Variants in PAFAH1B1 observed in about 807,000 individuals in gnomAD.
PAFAH1B1 encodes platelet activating factor acetylhydrolase 1b regulatory subunit 1, also known as platelet-activating factor acetylhydrolase IB subunit beta.
In PAFAH1B1, 2 loss-of-function variants were observed where a neutral mutation model predicts 57.5. That is an observed-to-expected ratio of 0.03 (90% confidence interval 0.01 to 0.11). PAFAH1B1 has a LOEUF of 0.11. PAFAH1B1 is among the 10% of genes least tolerant of loss of function. The pLI is 1.00. For synonymous variants in PAFAH1B1, 152 were observed against 169.6 expected (o/e 0.90, Z 0.81); for missense variants, 257 against 512.0 (o/e 0.50, Z 4.81).
At chr17:2,677,289 C>T (rs1038548842) in intron 9 of PAFAH1B1, among the ~76,000 whole-genome samples, 3 of 152,206 alleles carry the variant, frequency 2.0e-5, no homozygotes, top group Admixed American at 6.5e-5. Context: ...TGTTATACCT[C>T]CTTGCTCACA....
At chr17:2,654,529 A>G (rs1597557543) in intron 2 of PAFAH1B1, among the ~76,000 whole-genome samples, 1 of 152,134 alleles carries the variant, frequency 6.6e-6, no homozygotes, top group Admixed American at 6.6e-5. Context: ...CATATTGTCT[A>G]TATTTTCACT....
intron 1 of PAFAH1B1, among the ~76,000 whole-genome samples, chr17:2,618,190 A>G (rs913563797): frequency 2.0e-5 from 3 of 152,160 alleles, no homozygotes; most frequent in African/African-American, 4.8e-5. Context: ...GCGAGGTTGC[A>G]GTGAGCCGAG....
intron 5 of PAFAH1B1, among the ~76,000 whole-genome samples, chr17:2,668,807 C>T: frequency 6.6e-6 from 1 of 152,038 alleles, no homozygotes; most frequent in East Asian, 1.9e-4. Flanking sequence ...AACCCCGTCT[C>T]TACTAAAAAA....
chr17:2,631,518 G>A (rs191772879), intron 1 of PAFAH1B1, among the ~76,000 whole-genome samples: 45 of 152,286 alleles, frequency 3.0e-4, no homozygotes, highest in Admixed American at 2.6e-3. Flanking sequence ...TGGGGATCCA[G>A]TGAGCTCCCG....
At chr17:2,673,831 T>C (rs932723146) in intron 7 of PAFAH1B1, 1 of 508,520 alleles carries the variant, frequency 2.0e-6, no homozygotes, top group Non-Finnish European at 3.5e-6. Flanking sequence ...AAAGATTTTA[T>C]TTCTTATACA....
In PAFAH1B1 at chr17:2,661,066, G is replaced by T. The variant is rs945176298; in HGVS notation, c.33-4306G>T. 4.6e-5 allele frequency among the ~76,000 whole-genome samples: 7 copies of T among 151,834 alleles called. No individual in the cohort carries two copies. In the South Asian group the frequency reaches 1.5e-3, roughly 32 times the overall value. On this transcript the variant is annotated intron_variant, in intron 2 of 10. Coordinates refer to ENST00000397195, the MANE Select transcript of PAFAH1B1 (RefSeq NM_000430.4). Reference sequence around the variant, plus strand: ...AAATGTCTTCTTTTGAGAAGTGTCTGTTCATATCCTTTGCCCACTTTTTGA... The same window carrying T: ...AAATGTCTTCTTTTGAGAAGTGTCTTTTCATATCCTTTGCCCACTTTTTGA...
At chr17:2,656,972 A>C (rs2151650519) in intron 2 of PAFAH1B1, among the ~76,000 whole-genome samples, 1 of 152,060 alleles carries the variant, frequency 6.6e-6, no homozygotes, top group Non-Finnish European at 1.5e-5. Context: ...CCCAGGCTGG[A>C]GTGCAGTGGC....
At chr17:2,654,762 C>A (rs8068466) in intron 2 of PAFAH1B1, among the ~76,000 whole-genome samples, 1 of 152,004 alleles carries the variant, frequency 6.6e-6, no homozygotes, top group African/African-American at 2.4e-5. Context: ...TCACCTCAGC[C>A]TCCCAAGTTG....
chr17:2,603,588 T>G (rs1597509381), intron 1 of PAFAH1B1, among the ~76,000 whole-genome samples: 1 of 151,744 alleles, frequency 6.6e-6, no homozygotes, highest in African/African-American at 2.4e-5. Flanking sequence ...ACCACTGTAC[T>G]CCAGCCTGGG....
intron 10 of PAFAH1B1, chr17:2,680,802 A>C: frequency 4.7e-6 from 1 of 214,680 alleles, no homozygotes; most frequent in South Asian, 6.4e-5. Flanking sequence ...CTAAAGTATA[A>C]TGGACCAAAG....
Position 2,655,236 on chromosome 17 carries a change from G to A in PAFAH1B1, c.33-10136G>A, listed in dbSNP as rs553318622. ...GTGTGTTTATAAGAGTGAAATGTAGGCATCTATAAAGATGATCAAGATATG... is the reference window on the plus strand; with the variant it reads ...GTGTGTTTATAAGAGTGAAATGTAGACATCTATAAAGATGATCAAGATATG... On this transcript the variant is annotated intron_variant, in intron 2 of 10. Transcript: ENST00000397195. Among the ~76,000 whole-genome samples, 222 of 150,016 alleles carry A rather than the reference G, an allele frequency of 1.5e-3. 2 individuals are homozygous for A. The highest frequency in any genetic ancestry group is 0.011 in the Middle Eastern group (3 of 282).
chr17:2,625,652 A>G (rs2068479681), intron 1 of PAFAH1B1, among the ~76,000 whole-genome samples: 1 of 152,228 alleles, frequency 6.6e-6, no homozygotes, highest in Non-Finnish European at 1.5e-5. Context: ...GAGGCTGGGC[A>G]TGGAGGCTCT....
chr17:2,601,625 A>G (rs965239283), intron 1 of PAFAH1B1, among the ~76,000 whole-genome samples: 2 of 152,144 alleles, frequency 1.3e-5, no homozygotes, highest in Admixed American at 6.5e-5. Context: ...TATTTTTAGG[A>G]GAGATGGAGT....
chr17:2,626,747 G>T (rs1286686853), intron 1 of PAFAH1B1, among the ~76,000 whole-genome samples: 1 of 151,990 alleles, frequency 6.6e-6, no homozygotes, highest in East Asian at 1.9e-4. Context: ...TAGAGATAGG[G>T]TTTCACCATA....
chr17:2,679,630 T>TGGATGGATGATTGGA (rs1555527708), intron 9 of PAFAH1B1: 2 of 61,846 alleles, frequency 3.2e-5, no homozygotes, highest in Non-Finnish European at 7.5e-5. Context: ...GATTGGATGA[T>TGGATGGATGATTGGA]TGGATGGATG....
intron 10 of PAFAH1B1, chr17:2,681,489 A>G (rs1321700883): frequency 4.2e-6 from 2 of 470,736 alleles, no homozygotes; most frequent in Non-Finnish European, 7.7e-6. Context: ...GGGACCGGGC[A>G]GGGTCTTGCT....
intron 1 of PAFAH1B1, among the ~76,000 whole-genome samples, chr17:2,618,045 G>A (rs533199100): frequency 1.5e-4 from 23 of 152,222 alleles, no homozygotes; most frequent in African/African-American, 5.5e-4. Context: ...TCATGAGCTC[G>A]AGAGCAGCCT....
chr17:2,613,655 C>T, intron 1 of PAFAH1B1: 3 of 294,124 alleles, frequency 1.0e-5, no homozygotes, highest in East Asian at 7.4e-5. Context: ...ATACTCTCCA[C>T]AGCCAGACAG....
At chr17:2,624,951 TAATA>T (rs927185202) in intron 1 of PAFAH1B1, among the ~76,000 whole-genome samples, 1 of 152,130 alleles carries the variant, frequency 6.6e-6, no homozygotes, top group African/African-American at 2.4e-5. Context: ...CTACATCTGA[TAATA>T]AATCCGATGA....
Sources: allele counts gnomAD v4.1 joint callset (sites outside exome capture counted in the v4.1 genomes callset), GRCh38; gene constraint gnomAD v4.1.1; transcripts MANE v1.5; gene names NCBI Gene and HGNC (gene_info 2026-07-23, HGNC 2026-07-21).